Variants in GPAT4 observed in about 807,000 individuals in gnomAD.
GPAT4 encodes the protein 1-AGP acyltransferase 6.
In GPAT4, 17 loss-of-function variants were observed where a neutral mutation model predicts 58.0. The observed-to-expected ratio is 0.29, with a 90% CI of 0.20 to 0.44. The LOEUF is 0.44. GPAT4 is among the 20% of genes least tolerant of loss of function. The probability of loss-of-function intolerance (pLI) is 1.00; values close to 1 mark genes in which losing one functional copy is unlikely to be tolerated. For synonymous variants in GPAT4, 204 were observed against 210.1 expected (o/e 0.97, Z 0.25); for missense variants, 377 against 574.5 (o/e 0.66, Z 3.51).
intron 12 of GPAT4, 140 bp downstream of exon 12, chr8:41,619,117 C>A: frequency 9.5e-7 from 1 of 1,053,670 alleles, no homozygotes; most frequent in South Asian, 1.5e-5. Flanking sequence ...TCCCCGAATT[C>A]CAACCCAGAA....
intron 1 of GPAT4, among the ~76,000 whole-genome samples, chr8:41,582,404 T>G (rs935507925): frequency 1.6e-4 from 25 of 151,770 alleles, no homozygotes; most frequent in Non-Finnish European, 2.9e-4. Flanking sequence ...CTTTCTGCTG[T>G]ACCATTTTCT....
chr8:41,594,145 G>T (rs1802861382), intron 1 of GPAT4, among the ~76,000 whole-genome samples: 1 of 152,132 alleles, frequency 6.6e-6, no homozygotes, highest in Non-Finnish European at 1.5e-5. Flanking sequence ...TTAAAGAGCA[G>T]GTTAGTGCTT....
At chr8:41,605,826 C>T (rs1319140395) in intron 2 of GPAT4, among the ~76,000 whole-genome samples, 3 of 152,200 alleles carry the variant, frequency 2.0e-5, no homozygotes, top group Admixed American at 6.5e-5. Flanking sequence ...CCCTCCTCAG[C>T]CTCCTAAAGT....
chr8:41,610,653 G>A, intron 4 of GPAT4, 83 bp from the exon 5 acceptor site: 2 of 1,579,404 alleles, frequency 1.3e-6, no homozygotes, highest in East Asian at 2.3e-5. Context: ...TTTTTGTGAT[G>A]CCCCCTTTGA....
At position 41,621,094 on chromosome 8, in the gene GPAT4, A is replaced by T; in HGVS notation, c.*93A>T. 1 of 1,506,328 alleles carries T rather than the reference A, an allele frequency of 6.6e-7. No individual in the cohort carries two copies. The highest frequency in any genetic ancestry group is 8.9e-7 in the Non-Finnish European group (1 of 1,117,514). The allele number at this position is 1,506,328 out of a possible 1,614,324, so 93.3% of individuals were successfully genotyped here. ...CCGCCCCCACTGCTGTGTCCTTTCC[A>T]GACTCCAGGGCTCCCCGGGCTGCTC... On this transcript the variant is annotated 3_prime_UTR_variant, in exon 13 of 13. Coordinates refer to ENST00000396987, the MANE Select transcript of GPAT4 (RefSeq NM_178819.4).
chr8:41,603,525 C>CAAA (rs35302781), intron 2 of GPAT4, among the ~76,000 whole-genome samples: 2 of 85,298 alleles, frequency 2.3e-5, no homozygotes, highest in Admixed American at 1.4e-4. Context: ...GACTCCGTCT[C>CAAA]AAAAAAAAAA....
In GPAT4 at chr8:41,611,927, T is replaced by G; in HGVS notation, c.636T>G (p.His212Gln). Residue 212 changes from histidine (H) to glutamine (Q), a missense_variant, in exon 6 of 13, where the codon CAT (histidine) becomes CAG (glutamine). Transcript: ENST00000396987. Reference protein sequence around the residue: ...NGRFKEFMSKHVHLMCYRICV... With the variant: ...NGRFKEFMSKQVHLMCYRICV... ...GGTTTAAGGAGTTCATGAGTAAACA[T>G]GTTCACTTAATGTGTTACCGGATCT... is the stretch of plus-strand genomic sequence containing the variant. 6.2e-7 allele frequency: 1 copy of G among 1,614,200 alleles called. No individual in the cohort carries two copies. The highest frequency in any genetic ancestry group is 8.5e-7 in the Non-Finnish European group (1 of 1,180,036).
chr8:41,598,947 T>C lies in GPAT4; in HGVS notation c.-193T>C, dbSNP rs1378360500. On this transcript the variant is annotated 5_prime_UTR_variant, in exon 2 of 13. Coordinates refer to ENST00000396987, the MANE Select transcript of GPAT4 (RefSeq NM_178819.4). ...ACCTGGCGTTTGCAGTTGCCTCCTG[T>C]GGCCGTGTTTTTCTGTCATTCTGTT... 2 of 690,584 alleles carry C rather than the reference T, an allele frequency of 2.9e-6. No individual in the cohort carries two copies. Among genetic ancestry groups the C allele is most frequent in the Non-Finnish European group, 4.7e-6 (2 of 421,414 alleles). 42.8% of individuals were successfully genotyped at this position (690,584 alleles called of 1,614,324 possible). A position where few individuals can be genotyped will look rare whatever the true frequency, so the allele number is the denominator to read the frequency against.
intron 12 of GPAT4, 149 bp from the exon 13 acceptor site, chr8:41,620,744 C>T: frequency 3.7e-6 from 5 of 1,338,494 alleles, no homozygotes; most frequent in Non-Finnish European, 4.0e-6. Flanking sequence ...GCCCCAAATC[C>T]CCTGAGGTTG....
rs1419684302 is a variant in GPAT4, at chr8:41,621,111, G to C, written c.*110G>C. Reference sequence around the variant, plus strand: ...TCCTTTCCAGACTCCAGGGCTCCCCGGGCTGCTCTGGATCCCAGGACTCCG... The same window carrying C: ...TCCTTTCCAGACTCCAGGGCTCCCCCGGCTGCTCTGGATCCCAGGACTCCG... On this transcript the variant is annotated 3_prime_UTR_variant, in exon 13 of 13. Transcript: ENST00000396987. 7.0e-7 allele frequency: 1 copy of C among 1,435,192 alleles called. No homozygotes were observed. The highest frequency in any genetic ancestry group is 2.5e-5 in the East Asian group (1 of 40,022). The allele number at this position is 1,435,192 out of a possible 1,614,324, so 88.9% of individuals were successfully genotyped here. A position where few individuals can be genotyped will look rare whatever the true frequency, so the allele number is the denominator to read the frequency against.
Position 41,599,132 on chromosome 8 carries a change from C to A in GPAT4, c.-8C>A, listed in dbSNP as rs369654595. Reference sequence around the variant, plus strand: ...AGGCAGGTGCTGGCCTGGCCTGGATCTTCCACCATGTTCCTGTTGCTGCCT... The same window carrying A: ...AGGCAGGTGCTGGCCTGGCCTGGATATTCCACCATGTTCCTGTTGCTGCCT... On this transcript the variant is annotated 5_prime_UTR_variant, in exon 2 of 13. Coordinates refer to ENST00000396987, the MANE Select transcript of GPAT4 (RefSeq NM_178819.4). The A allele has an allele frequency of 2.6e-4, 419 of 1,608,978 alleles. No homozygotes were observed. Among genetic ancestry groups the A allele is most frequent in the Non-Finnish European group, 2.6e-4 (305 of 1,178,382 alleles).
At chr8:41,585,902 T>C (rs1455731339) in intron 1 of GPAT4, among the ~76,000 whole-genome samples, 1 of 152,262 alleles carries the variant, frequency 6.6e-6, no homozygotes, top group Non-Finnish European at 1.5e-5. Flanking sequence ...CAGTTGTAGG[T>C]GAAGGTCTCC....
rs3802313 is a variant in GPAT4 at position 41,612,288 on chromosome 8, C to T, written c.795+15C>T. On this transcript the variant is annotated intron_variant, in intron 7 of 12. Coordinates refer to ENST00000396987, the MANE Select transcript of GPAT4 (RefSeq NM_178819.4). ...ATTATGCCATGGTAAGAGCTCTTTC[C>T]GGTGCGTTCTTGAGGCAAGACTTCC... 3.0e-3 allele frequency: 4,831 copies of T among 1,613,786 alleles called. 113 individuals are homozygous for T. In the East Asian group the frequency reaches 0.065, roughly 22 times the overall value.
At position 41,599,357 on chromosome 8, in the gene GPAT4, T is replaced by C. The variant is rs527586046; in HGVS notation, c.165+53T>C. 4.7e-5 allele frequency: 74 copies of C among 1,586,238 alleles called. No homozygotes were observed. The African/African-American group carries it at 9.4e-4, about 20-fold the overall frequency. Reference sequence around the variant, plus strand: ...TTCACAGAGGAGGGTAGAAGTGCATTTAGCAAAAAGTTATTCTTACAGGCC... The same window carrying C: ...TTCACAGAGGAGGGTAGAAGTGCATCTAGCAAAAAGTTATTCTTACAGGCC... On this transcript the variant is annotated intron_variant, in intron 2 of 12. Coordinates refer to ENST00000396987, the MANE Select transcript of GPAT4 (RefSeq NM_178819.4).
intron 2 of GPAT4, among the ~76,000 whole-genome samples, chr8:41,602,504 A>C (rs11985557): frequency 0.55 from 84,171 of 151,750 alleles, 23,967 homozygotes; most frequent in Middle Eastern, 0.71. Context: ...GTGCTCCGGA[A>C]GAGTGCTGGT....
chr8:41,593,592 C>T (rs973071437), intron 1 of GPAT4, among the ~76,000 whole-genome samples: 15 of 152,144 alleles, frequency 9.9e-5, no homozygotes, highest in South Asian at 2.1e-4. Context: ...TTTCTTGACT[C>T]GGGTGTGATG....
chr8:41,582,326 G>A (rs1802537530), intron 1 of GPAT4, among the ~76,000 whole-genome samples: 1 of 151,998 alleles, frequency 6.6e-6, no homozygotes, highest in Non-Finnish European at 1.5e-5. Flanking sequence ...TGTATTCAGG[G>A]ACACATAGAC....
intron 2 of GPAT4, among the ~76,000 whole-genome samples, chr8:41,600,054 T>C (rs1264555714): frequency 1.4e-5 from 2 of 144,956 alleles, no homozygotes; most frequent in South Asian, 2.2e-4. Flanking sequence ...TTTTTTTTTT[T>C]CGAGACAAGA....
chr8:41,591,042 C>G (rs1311712419), intron 1 of GPAT4, among the ~76,000 whole-genome samples: 1 of 152,100 alleles, frequency 6.6e-6, no homozygotes, highest in Admixed American at 6.5e-5. Flanking sequence ...CTCCAAAAAC[C>G]AAGCTCCCTG....
Sources: gnomAD v4.1 joint callset for allele counts (sites outside exome capture counted in the v4.1 genomes callset) on GRCh38, gnomAD v4.1.1 for gene constraint, MANE v1.5 for transcripts, NCBI Gene and HGNC (gene_info 2026-07-23, HGNC 2026-07-21) for gene names.